Variants in PFKFB3 observed in about 807,000 individuals in gnomAD.
PFKFB3 encodes 6-phosphofructo-2-kinase/fructose-2,6-biphosphatase 3.
Under a neutral mutation model 68.0 loss-of-function variants are expected in PFKFB3, and 33 were observed. The observed-to-expected ratio is 0.49, with a 90% CI of 0.37 to 0.65. The LOEUF is 0.65. PFKFB3 is among the 30% of genes least tolerant of loss of function. PFKFB3 has a pLI of 0.00. For synonymous variants in PFKFB3, 315 were observed against 288.2 expected (o/e 1.09, Z -0.94); for missense variants, 586 against 712.2 (o/e 0.82, Z 2.02).
the PFKFB3 span, among the ~76,000 whole-genome samples, chr10:6,289,301 A>T: frequency 6.6e-6 from 1 of 151,252 alleles, no homozygotes; most frequent in Non-Finnish European, 1.5e-5. Flanking sequence ...CTGAATGGTA[A>T]TGCCTAGGTT....
chr10:6,155,832 C>T (rs189687872), intron 1 of PFKFB3, among the ~76,000 whole-genome samples: 129 of 152,270 alleles, frequency 8.5e-4, no homozygotes, highest in Middle Eastern at 3.4e-3. Context: ...GATTTAAAAA[C>T]CTCATTCGTG....
the PFKFB3 span, among the ~76,000 whole-genome samples, chr10:6,261,166 A>G: frequency 9.9e-5 from 15 of 152,216 alleles, no homozygotes; most frequent in African/African-American, 3.1e-4. Flanking sequence ...TCATATGTTT[A>G]CTAGACATTT....
intron 1 of PFKFB3, among the ~76,000 whole-genome samples, chr10:6,193,134 C>T (rs1010975108): frequency 1.3e-5 from 2 of 152,134 alleles, no homozygotes; most frequent in African/African-American, 2.4e-5. Flanking sequence ...TGCTTGAGGC[C>T]AGGAGTTTGA....
chr10:6,217,361 A>G (rs1482789972), intron 6 of PFKFB3, among the ~76,000 whole-genome samples, 170 bp downstream of exon 6: 2 of 152,094 alleles, frequency 1.3e-5, no homozygotes, highest in Non-Finnish European at 2.9e-5. Context: ...GCGGTTTTTA[A>G]CCCAGAGGCC....
At chr10:6,310,389 C>T in the PFKFB3 span, among the ~76,000 whole-genome samples, 1 of 152,072 alleles carries the variant, frequency 6.6e-6, no homozygotes, top group African/African-American at 2.4e-5. Context: ...GTCCCTGTCC[C>T]TCCCAAAGCA....
chr10:6,207,147 C>T (rs1843831974), intron 1 of PFKFB3, among the ~76,000 whole-genome samples: 1 of 152,240 alleles, frequency 6.6e-6, no homozygotes, highest in Admixed American at 6.5e-5. Flanking sequence ...GCCTGGGCAC[C>T]ATTGAGCACT....
chr10:6,279,037 C>T, the PFKFB3 span, among the ~76,000 whole-genome samples: 1 of 152,306 alleles, frequency 6.6e-6, no homozygotes, highest in Non-Finnish European at 1.5e-5. Context: ...GTGGTGTCTG[C>T]CACACAGCAA....
At chr10:6,163,578 G>A (rs1470781798) in intron 1 of PFKFB3, among the ~76,000 whole-genome samples, 1 of 152,066 alleles carries the variant, frequency 6.6e-6, no homozygotes, top group Non-Finnish European at 1.5e-5. Context: ...GGCACGGTGC[G>A]CGCCTCCACC....
the PFKFB3 span, among the ~76,000 whole-genome samples, chr10:6,271,407 G>A: frequency 6.6e-6 from 1 of 152,252 alleles, no homozygotes; most frequent in Admixed American, 6.5e-5. Flanking sequence ...GGAGCCAAGA[G>A]GCGGGAAGTC....
the PFKFB3 span, among the ~76,000 whole-genome samples, chr10:6,276,040 T>C: frequency 0.054 from 8,182 of 152,150 alleles, 718 homozygotes; most frequent in African/African-American, 0.19. Flanking sequence ...ATTTGACAAA[T>C]AGACTGCGTA....
upstream of PFKFB3, among the ~76,000 whole-genome samples, chr10:6,198,177 C>T (rs1308194870): frequency 6.8e-6 from 1 of 147,744 alleles, no homozygotes; most frequent in African/African-American, 2.5e-5. Context: ...ACCTGAGAGG[C>T]GGAGGTGGCA....
At chr10:6,181,557 C>T (rs1435455988) in intron 1 of PFKFB3, among the ~76,000 whole-genome samples, 3 of 152,152 alleles carry the variant, frequency 2.0e-5, no homozygotes, top group Admixed American at 6.5e-5. Context: ...CAGTGGCTCA[C>T]GCCTGTAATC....
intron 8 of PFKFB3, among the ~76,000 whole-genome samples, chr10:6,221,073 A>T (rs1391828551): frequency 2.0e-5 from 3 of 151,720 alleles, no homozygotes; most frequent in African/African-American, 7.3e-5. Flanking sequence ...GTCTACGCCT[A>T]TCCATGTGGC....
chr10:6,172,516 A>G (rs972389411), intron 1 of PFKFB3, among the ~76,000 whole-genome samples: 4 of 152,172 alleles, frequency 2.6e-5, no homozygotes, highest in East Asian at 3.9e-4. Flanking sequence ...TCTTTTTACC[A>G]TGTTCCAAAT....
chr10:6,307,552 TC>T, the PFKFB3 span, among the ~76,000 whole-genome samples: 1 of 148,842 alleles, frequency 6.7e-6, no homozygotes, highest in Non-Finnish European at 1.5e-5. Flanking sequence ...CTTCCTTCCT[TC>T]CTTCCTTCCT....
chr10:6,186,953 G>A (rs1197345133), intron 1 of PFKFB3, among the ~76,000 whole-genome samples: 5 of 152,164 alleles, frequency 3.3e-5, no homozygotes, highest in Non-Finnish European at 7.3e-5. Flanking sequence ...CAGTTGCCCA[G>A]CTCAGAGGCT....
chr10:6,315,167 C>T, the PFKFB3 span, among the ~76,000 whole-genome samples: 2 of 152,182 alleles, frequency 1.3e-5, no homozygotes, highest in Admixed American at 1.3e-4. Flanking sequence ...AACCCTGGCT[C>T]ATTTCTAGGG....
chr10:6,216,020 T>C, intron 3 of PFKFB3, 105 bp from the exon 4 acceptor site: 1 of 1,040,018 alleles, frequency 9.6e-7, no homozygotes, highest in Non-Finnish European at 1.5e-6. Flanking sequence ...CAGTGTAGAA[T>C]GGAACCACCA....
At chr10:6,323,603 A>C in the PFKFB3 span, among the ~76,000 whole-genome samples, 1 of 151,594 alleles carries the variant, frequency 6.6e-6, no homozygotes, top group East Asian at 1.9e-4. Flanking sequence ...AAATTTTCAC[A>C]TACAGATTGA....
Sources: gnomAD v4.1 joint callset for allele counts (sites outside exome capture counted in the v4.1 genomes callset) on GRCh38, gnomAD v4.1.1 for gene constraint, MANE v1.5 for transcripts, NCBI Gene and HGNC (gene_info 2026-07-23, HGNC 2026-07-21) for gene names.